Variants in RBFOX1 observed in about 807,000 individuals in gnomAD.
RBFOX1 encodes RNA binding protein fox-1 homolog 1.
RBFOX1 carries 8 observed loss-of-function variants against 57.7 expected under a neutral mutation model. The observed-to-expected ratio is 0.14, with a 90% CI of 0.08 to 0.25. The LOEUF is 0.25. RBFOX1 is among the 10% of genes least tolerant of loss of function. The pLI, the probability that RBFOX1 is intolerant of heterozygous loss-of-function variation, is 1.00. For missense variants in RBFOX1, 611 were observed against 548.5 expected (o/e 1.11, Z -1.14); for synonymous variants, 326 against 222.4 (o/e 1.47, Z -4.15).
chr16:6,620,211 T>A (rs952303852), intron 2 of RBFOX1, among the ~76,000 whole-genome samples: 2 of 152,162 alleles, frequency 1.3e-5, no homozygotes, highest in African/African-American at 4.8e-5. Context: ...ACCATACAGT[T>A]ACATGGAAAT....
At chr16:5,913,642 A>G (rs981728811) in intron 4 of RBFOX1, among the ~76,000 whole-genome samples, 4 of 152,190 alleles carry the variant, frequency 2.6e-5, no homozygotes, top group Admixed American at 2.0e-4. Flanking sequence ...TTTTCTTTAT[A>G]CATTACCCAG....
chr16:6,275,898 C>G (rs2075752044), intron 1 of RBFOX1, among the ~76,000 whole-genome samples: 1 of 151,978 alleles, frequency 6.6e-6, no homozygotes, highest in Admixed American at 6.6e-5. Context: ...ACCAAATAAC[C>G]CTAATACTTC....
chr16:5,562,804 C>T (rs552164793), intron 2 of RBFOX1, among the ~76,000 whole-genome samples: 93 of 152,196 alleles, frequency 6.1e-4, no homozygotes, highest in African/African-American at 2.2e-3. Context: ...CTGATGAGCC[C>T]TTTGGGATTT....
At chr16:5,700,083 T>C (rs902569318) in intron 3 of RBFOX1, among the ~76,000 whole-genome samples, 36 of 152,286 alleles carry the variant, frequency 2.4e-4, no homozygotes, top group Admixed American at 4.6e-4. Context: ...CTGCCCGCCT[T>C]GGCCTCCCAA....
chr16:5,970,112 G>A (rs371427339), intron 4 of RBFOX1, among the ~76,000 whole-genome samples: 19 of 152,208 alleles, frequency 1.2e-4, no homozygotes, highest in Admixed American at 3.9e-4. Context: ...TGAGTCTGCC[G>A]CATGACCTGA....
At chr16:7,702,527 TTA>T (rs1326763143) in intron 14 of RBFOX1, among the ~76,000 whole-genome samples, 1 of 152,216 alleles carries the variant, frequency 6.6e-6, no homozygotes, top group East Asian at 1.9e-4. Flanking sequence ...CCATAACAGT[TTA>T]TGATTGACAA....
chr16:6,449,868 C>A (rs2094555231), intron 2 of RBFOX1, among the ~76,000 whole-genome samples: 1 of 151,280 alleles, frequency 6.6e-6, no homozygotes, highest in Admixed American at 6.6e-5. Context: ...ATATGAGAGG[C>A]AGTATTCAGG....
chr16:7,291,423 C>A lies in RBFOX1; in HGVS notation c.28-226724C>A, dbSNP rs117973229. ...AGGCTAAATAAAATAATGTGATGTG[C>A]TAGTATAGCCACAATGGAAAATTAA... On this transcript the variant is annotated intron_variant, in intron 4 of 15. Coordinates refer to ENST00000550418, the MANE Select transcript of RBFOX1 (RefSeq NM_018723.4). Among the ~76,000 whole-genome samples the A allele has an allele frequency of 9.2e-5, 14 of 152,118 alleles. No individual in the cohort carries two copies. The East Asian group carries it at 2.7e-3, about 29-fold the overall frequency.
chr16:5,410,939 G>C (rs1244334363), intron 1 of RBFOX1, among the ~76,000 whole-genome samples: 1 of 152,174 alleles, frequency 6.6e-6, no homozygotes, highest in East Asian at 1.9e-4. Context: ...TCTCTAACTG[G>C]GGATCATGAA....
At chr16:6,013,294 T>G (rs2094972931) in intron 4 of RBFOX1, among the ~76,000 whole-genome samples, 1 of 152,162 alleles carries the variant, frequency 6.6e-6, no homozygotes. Context: ...CACAGCTTAG[T>G]TTCTACTTAT....
At chr16:7,203,353 G>A (rs2152736191) in intron 4 of RBFOX1, among the ~76,000 whole-genome samples, 1 of 152,320 alleles carries the variant, frequency 6.6e-6, no homozygotes, top group South Asian at 2.1e-4. Flanking sequence ...GAGAGTCAAG[G>A]AGAATGGTGG....
At chr16:7,036,334 A>C (rs1355112069) in intron 3 of RBFOX1, among the ~76,000 whole-genome samples, 1 of 152,012 alleles carries the variant, frequency 6.6e-6, no homozygotes, top group Admixed American at 6.6e-5. Flanking sequence ...AATTTTTCAC[A>C]ATCTTGGTTT....
At chr16:7,469,713 A>G (rs182041349) in intron 4 of RBFOX1, among the ~76,000 whole-genome samples, 2 of 152,220 alleles carry the variant, frequency 1.3e-5, no homozygotes, top group Non-Finnish European at 2.9e-5. Context: ...CCCCTTTTAA[A>G]TATTTTTAGT....
chr16:6,464,592 C>A (rs1356628719), intron 2 of RBFOX1, among the ~76,000 whole-genome samples: 2 of 152,122 alleles, frequency 1.3e-5, no homozygotes, highest in Non-Finnish European at 2.9e-5. Context: ...TAAATTAATA[C>A]CATTGTTTAA....
intron 4 of RBFOX1, among the ~76,000 whole-genome samples, chr16:7,056,119 A>T (rs1044570310): frequency 2.0e-5 from 3 of 152,140 alleles, no homozygotes; most frequent in African/African-American, 7.2e-5. Context: ...GGCATGGGGC[A>T]TCGTGCATTA....
At chr16:6,789,731 T>A (rs1037543874) in intron 3 of RBFOX1, among the ~76,000 whole-genome samples, 4 of 152,150 alleles carry the variant, frequency 2.6e-5, no homozygotes, top group Non-Finnish European at 5.9e-5. Context: ...TCACAGTAAT[T>A]TACACAGAAG....
At chr16:5,825,154 G>C (rs1350333155) in intron 3 of RBFOX1, among the ~76,000 whole-genome samples, 1 of 152,218 alleles carries the variant, frequency 6.6e-6, no homozygotes, top group Non-Finnish European at 1.5e-5. Flanking sequence ...TCGTTGCCCA[G>C]GTTTAAGTCC....
At chr16:7,020,825 C>T (rs946835737) in intron 3 of RBFOX1, among the ~76,000 whole-genome samples, 3 of 152,222 alleles carry the variant, frequency 2.0e-5, no homozygotes, top group African/African-American at 7.2e-5. Context: ...CTTAAGTGAG[C>T]ACTTAAGAAT....
intron 1 of RBFOX1, among the ~76,000 whole-genome samples, chr16:5,240,362 CA>C (rs375991640): frequency 0.011 from 1,702 of 152,194 alleles, 26 homozygotes; most frequent in Middle Eastern, 0.037. Context: ...TGCGGCTAGC[CA>C]AAAGGGGAGG....
Sources: gnomAD v4.1 joint callset for allele counts (sites outside exome capture counted in the v4.1 genomes callset) on GRCh38, gnomAD v4.1.1 for gene constraint, MANE v1.5 for transcripts, NCBI Gene and HGNC (gene_info 2026-07-23, HGNC 2026-07-21) for gene names.